The following PLEKHG2 variants were observed in gnomAD, a reference collection of about 807,000 sequenced individuals.
PLEKHG2 encodes pleckstrin homology and RhoGEF domain containing G2, also known as pleckstrin homology domain-containing family G member 2.
PLEKHG2 carries 71 observed loss-of-function variants against 104.4 expected under a neutral mutation model. The ratio of observed to expected loss-of-function variants is 0.68; its 90% confidence interval spans 0.56 to 0.83. PLEKHG2 has a LOEUF of 0.83. Ranked by LOEUF, PLEKHG2 falls within the 40% of genes least tolerant of loss-of-function variation. PLEKHG2 has a pLI of 0.00. For synonymous variants in PLEKHG2, 728 were observed against 737.0 expected, an observed-to-expected ratio of 0.99 and a Z score of 0.20; for missense variants, 1,730 against 1,809.4, an observed-to-expected ratio of 0.96 and a Z score of 0.80.
chr19:39,419,073 C>A, intron 11 of PLEKHG2, 70 bp downstream of exon 11: 1 of 1,370,090 alleles, frequency 7.3e-7, no homozygotes, highest in Non-Finnish European at 9.9e-7. Flanking sequence ...TACTAAGAGA[C>A]GCCCCTGCCC....
chr19:39,416,698 C>A lies in PLEKHG2; in HGVS notation c.593+101C>A, dbSNP rs1002592902. ...CTACCCCCGACCCATCCAGCACCGA[C>A]CCCTGCCAGGCTGTGACAGTAACTG... On this transcript the variant is annotated intron_variant, in intron 6 of 18. Transcript: ENST00000425673. This position sits in a 1 kb window ranked among gnomAD's most constrained non-coding sequence, Gnocchi z 4.5. The A allele has an allele frequency of 1.1e-5, 17 of 1,510,302 alleles. No homozygotes were observed. Among genetic ancestry groups the A allele is most frequent in the Non-Finnish European group, 1.8e-6 (2 of 1,096,016 alleles). The allele number at this position is 1,510,302 out of a possible 1,614,324, so 93.6% of individuals were successfully genotyped here. A position where few individuals can be genotyped will look rare whatever the true frequency, so the allele number is the denominator to read the frequency against.
rs2078746625 is a variant in PLEKHG2, at chr19:39,424,155, C to T, written c.3022C>T (p.Gln1008Ter). 1 of 1,614,060 alleles carries T rather than the reference C, an allele frequency of 6.2e-7. No homozygotes were observed. Among genetic ancestry groups the T allele is most frequent in the African/African-American group, 1.3e-5 (1 of 74,914 alleles). ...PAPSTAFCPEQGHCADIHVPT... is the reference protein window; with the variant it reads ...PAPSTAFCPE Reference sequence around the variant, plus strand: ...TCCATCCACCGCCTTTTGTCCTGAGCAGGGACACTGTGCGGACATCCACGT... The same window carrying T: ...TCCATCCACCGCCTTTTGTCCTGAGTAGGGACACTGTGCGGACATCCACGT... The change falls in exon 19 of 19, where the codon CAG (glutamine) becomes TAG (stop). Residue 1008 changes from glutamine (Q) to a stop codon, truncating the protein, a stop_gained. Transcript: ENST00000425673. LOFTEE classifies it low-confidence loss of function (END_TRUNC).
At position 39,417,034 on chromosome 19, in the gene PLEKHG2, G is replaced by A. The variant is rs192625863; in HGVS notation, c.744+34G>A. ...GGGCCCCTGGAGCCAGGCTGGGGAGGGGGAGGTCCTGTCCCTTGACCACCT... is the reference window on the plus strand; with the variant it reads ...GGGCCCCTGGAGCCAGGCTGGGGAGAGGGAGGTCCTGTCCCTTGACCACCT... On this transcript the variant is annotated intron_variant, in intron 7 of 18. Transcript: ENST00000425673. The A allele has an allele frequency of 8.8e-5, 139 of 1,571,984 alleles. No homozygotes were observed. The African/African-American group carries it at 1.8e-3, about 20-fold the overall frequency.
Position 39,425,979 on chromosome 19 carries a change from A to G in PLEKHG2, c.*685A>G, listed in dbSNP as rs1345909990. Reference sequence around the variant, plus strand: ...TGGCATTCCATCCCTCCATTTATCCATCTTCCCACTTACCCATCTTCTCCA... The same window carrying G: ...TGGCATTCCATCCCTCCATTTATCCGTCTTCCCACTTACCCATCTTCTCCA... On this transcript the variant is annotated 3_prime_UTR_variant, in exon 19 of 19. Transcript: ENST00000425673. 1 of 151,836 alleles carries G rather than the reference A, an allele frequency of 6.6e-6. No individual in the cohort carries two copies. The highest frequency in any genetic ancestry group is 2.4e-5 in the African/African-American group (1 of 41,186). 9.4% of individuals were successfully genotyped at this position (151,836 alleles called of 1,614,324 possible). A position where few individuals can be genotyped will look rare whatever the true frequency, so the allele number is the denominator to read the frequency against.
At position 39,420,805 on chromosome 19, in the gene PLEKHG2, C is replaced by T. The variant is rs1291944035; in HGVS notation, c.1352C>T (p.Pro451Leu). 1.2e-5 allele frequency: 19 copies of T among 1,614,036 alleles called. No homozygotes were observed. The highest frequency in any genetic ancestry group is 1.5e-5 in the Non-Finnish European group (18 of 1,180,034). Reference protein sequence around the residue: ...LEPLTPPLGSPRPRDARSFTP... With the variant: ...LEPLTPPLGSLRPRDARSFTP... ...CCCCTGACACCCCCACTTGGGTCTC[C>T]TCGACCTCGAGATGCTAGAAGTTTT... The change falls in exon 13 of 19, where the codon CCT (proline) becomes CTT (leucine). Residue 451 changes from proline to leucine, a missense_variant. Pro to Leu is a moderately conservative substitution (Grantham distance 98). Transcript: ENST00000425673.
At chr19:39,417,498 T>C (rs954342214) in intron 7 of PLEKHG2, 57 bp from the exon 8 acceptor site, 11 of 1,588,602 alleles carry the variant, frequency 6.9e-6, no homozygotes, top group African/African-American at 6.8e-5. Context: ...ATTCTCATTC[T>C]CTTTCTCCTT....
Position 39,414,031 on chromosome 19 carries a change from G to C in PLEKHG2, c.-22-34G>C, listed in dbSNP as rs186238721. 6.4e-4 allele frequency: 928 copies of C among 1,456,550 alleles called. 3 individuals carry two copies. In the African/African-American group the frequency reaches 8.5e-3, roughly 13 times the overall value. The allele number at this position is 1,456,550 out of a possible 1,614,324, so 90.2% of individuals were successfully genotyped here. A position where few individuals can be genotyped will look rare whatever the true frequency, so the allele number is the denominator to read the frequency against. ...GTCTGGGCGGCGGAGAGGCCCATGGGGTCCTGATATCCAAGAAGGGGCTCT... is the reference window on the plus strand; with the variant it reads ...GTCTGGGCGGCGGAGAGGCCCATGGCGTCCTGATATCCAAGAAGGGGCTCT... On this transcript the variant is annotated intron_variant, in intron 1 of 18. Coordinates refer to ENST00000425673, the MANE Select transcript of PLEKHG2 (RefSeq NM_022835.3).
In PLEKHG2 at chr19:39,423,759, C is replaced by T. The variant is rs1403955280; in HGVS notation, c.2626C>T (p.Leu876=). ...GCTCCTGCCTGCCTTTGGACACGTG[C>T]TGGTATGTGAGCTGGCCTTCCCACT... ...PGLLPAFGHV[L]VCELAFPLTC... is the part of the protein sequence containing the mutation. The change falls in exon 19 of 19, where the codon CTG becomes TTG. Residue 876 remains leucine (L), a synonymous_variant. Transcript: ENST00000425673. The T allele has an allele frequency of 6.2e-7, 1 of 1,613,102 alleles. No individual in the cohort carries two copies. Among genetic ancestry groups the T allele is most frequent in the South Asian group, 1.1e-5 (1 of 91,004 alleles).
chr19:39,415,136 T>C lies in PLEKHG2; in HGVS notation c.254T>C (p.Ile85Thr). 1 of 1,599,898 alleles carries C rather than the reference T, an allele frequency of 6.3e-7. No individual in the cohort carries two copies. The highest frequency in any genetic ancestry group is 8.5e-7 in the Non-Finnish European group (1 of 1,173,008). The change falls in exon 3 of 19, where the codon ATC becomes ACC. Residue 85 changes from isoleucine (I) to threonine (T), a missense_variant. Transcript: ENST00000425673. The surrounding 1 kb of genome is among the most constrained non-coding windows in gnomAD (Gnocchi z 4.6). ...CCAGAGCCCCTTCCAGGGCCTCCCA[T>C]CCGCCTACATCTCTCTCCGGTGGGG... ...SRPEPLPGPP[I>T]RLHLSPVGIP...
chr19:39,420,576 G>T lies in PLEKHG2; in HGVS notation c.1264-50G>T, dbSNP rs1600657945. Reference sequence around the variant, plus strand: ...CTACGGTGCTTAAAGTATCCTCTCTGTGGTACTCCAAGATCGACCCACCTC... The same window carrying T: ...CTACGGTGCTTAAAGTATCCTCTCTTTGGTACTCCAAGATCGACCCACCTC... On this transcript the variant is annotated intron_variant, in intron 11 of 18. Coordinates refer to ENST00000425673, the MANE Select transcript of PLEKHG2 (RefSeq NM_022835.3). 1.9e-6 allele frequency: 3 copies of T among 1,612,774 alleles called. No homozygotes were observed. The East Asian group carries it at 6.7e-5, about 36-fold the overall frequency.
Position 39,424,783 on chromosome 19 carries a change from G to T in PLEKHG2, c.3650G>T (p.Arg1217Ile), listed in dbSNP as rs370533120. The change falls in exon 19 of 19, where the codon AGA becomes ATA. Residue 1217 changes from arginine (R) to isoleucine (I), a missense_variant. Physicochemically the swap from Arg to Ile is moderately conservative, Grantham distance 97. Transcript: ENST00000425673. Reference protein sequence around the residue: ...HVPAATPLPERGGSLDIQGLS... With the variant: ...HVPAATPLPEIGGSLDIQGLS... ...CCAGCTGCCACACCTTTACCTGAGA[G>T]AGGAGGCTCTCTAGACATTCAGGGC... 5 of 1,614,084 alleles carry T rather than the reference G, an allele frequency of 3.1e-6. No individual in the cohort carries two copies. The Admixed American group carries it at 8.3e-5, about 27-fold the overall frequency.
In PLEKHG2 at chr19:39,424,053, G is replaced by C. The variant is rs1193237988; in HGVS notation, c.2920G>C (p.Asp974His). 7.4e-6 allele frequency: 12 copies of C among 1,613,904 alleles called. No individual in the cohort carries two copies. Among genetic ancestry groups the C allele is most frequent in the Non-Finnish European group, 9.3e-6 (11 of 1,179,968 alleles). Residue 974 changes from aspartate to histidine, a missense_variant, in exon 19 of 19, where the codon GAT (aspartate) becomes CAT (histidine). Coordinates refer to ENST00000425673, the MANE Select transcript of PLEKHG2 (RefSeq NM_022835.3). ...GGTGCCGGCTCTTACAACTTTCTCT[G>C]ATCAAGGCCACCCAGAAATCCAAGT... ...LQVPALTTFS[D>H]QGHPEIQVPA...
intron 17 of PLEKHG2, among the ~76,000 whole-genome samples, chr19:39,422,491 C>T (rs914219212): frequency 6.6e-6 from 1 of 152,098 alleles, no homozygotes; most frequent in Non-Finnish European, 1.5e-5. Flanking sequence ...GATTCTCCTG[C>T]CTCAGCCTCC....
In PLEKHG2 at chr19:39,412,745, G is replaced by A. The variant is rs991900767; in HGVS notation, c.-690G>A. ...CCGAGGGGTCCAGAGGCTCGGACCC[G>A]GGCGTCCGGAATTTCTGCACCGCAT... is the stretch of plus-strand genomic sequence containing the variant. On this transcript the variant is annotated 5_prime_UTR_variant, in exon 1 of 19. Transcript: ENST00000425673. 1 of 152,214 alleles carries A rather than the reference G, an allele frequency of 6.6e-6. No homozygotes were observed. Among genetic ancestry groups the A allele is most frequent in the Non-Finnish European group, 1.5e-5 (1 of 68,038 alleles). The allele number at this position is 152,214 out of a possible 1,614,324, so 9.4% of individuals were successfully genotyped here. A position where few individuals can be genotyped will look rare whatever the true frequency, so the allele number is the denominator to read the frequency against.
In PLEKHG2 at chr19:39,423,157, A is replaced by G. The variant is rs1439145145; in HGVS notation, c.2103A>G (p.Glu701=). ...CCTGGCTCCAAGGGCCTCTGCAGGAACCAGCTGAGGCTCCAGCCACCAGGA... is the reference window on the plus strand; with the variant it reads ...CCTGGCTCCAAGGGCCTCTGCAGGAGCCAGCTGAGGCTCCAGCCACCAGGA... ...CDSWLQGPLQ[E]PAEAPATRRE... Residue 701 remains glutamate (E), a synonymous_variant, in exon 18 of 19, where the codon GAA becomes GAG. Transcript: ENST00000425673. 3 of 1,613,424 alleles carry G rather than the reference A, an allele frequency of 1.9e-6. No individual in the cohort carries two copies. The highest frequency in any genetic ancestry group is 3.3e-5 in the Admixed American group (2 of 59,976).
Position 39,416,344 on chromosome 19 carries a change from G to A in PLEKHG2, c.480-4G>A. The stretch of plus-strand genomic sequence containing the variant: ...GGTTCCTCACCCTCCCCTCTCCCCT[G>A]TAGCGAGCTCCTGGAGGACTTGGAG... On this transcript the variant is annotated splice_polypyrimidine_tract_variant and splice_region_variant and intron_variant, in intron 4 of 18. Coordinates refer to ENST00000425673, the MANE Select transcript of PLEKHG2 (RefSeq NM_022835.3). The surrounding 1 kb of genome is among the most constrained non-coding windows in gnomAD (Gnocchi z 4.5). 1.2e-6 allele frequency: 2 copies of A among 1,612,734 alleles called. No homozygotes were observed. The highest frequency in any genetic ancestry group is 1.7e-6 in the Non-Finnish European group (2 of 1,179,738).
chr19:39,422,143 C>T lies in PLEKHG2; in HGVS notation c.1532C>T (p.Pro511Leu). The T allele has an allele frequency of 1.2e-6, 2 of 1,612,210 alleles. No homozygotes were observed. The highest frequency in any genetic ancestry group is 1.3e-5 in the African/African-American group (1 of 74,920). The change falls in exon 17 of 19, where the codon CCT (proline) becomes CTT (leucine). Residue 511 changes from proline to leucine, a missense_variant. By Grantham distance (98) the Pro-to-Leu change is moderately conservative (BLOSUM62 -3). Coordinates refer to ENST00000425673, the MANE Select transcript of PLEKHG2 (RefSeq NM_022835.3). ...KHAGSEGELY[P>L]PESQPPVSGS... Reference sequence around the variant, plus strand: ...GCTGGCAGCGAAGGGGAACTCTACCCTCCAGAATCTCAGCCACCAGTTTCA... The same window carrying T: ...GCTGGCAGCGAAGGGGAACTCTACCTTCCAGAATCTCAGCCACCAGTTTCA...
chr19:39,421,435 C>T, intron 16 of PLEKHG2, 136 bp downstream of exon 16: 1 of 1,050,832 alleles, frequency 9.5e-7, no homozygotes. Context: ...CCTGTAATCT[C>T]AGTATTTTGG....
Position 39,420,857 on chromosome 19 carries a change from A to C in PLEKHG2, c.1399+5A>C, listed in dbSNP as rs1250746163. Reference sequence around the variant, plus strand: ...CCCCTGGGCGAAGGAACACAGGTAAAGGCGGTGGATCCCTGAGTCCCAGCC... The same window carrying C: ...CCCCTGGGCGAAGGAACACAGGTAACGGCGGTGGATCCCTGAGTCCCAGCC... On this transcript the variant is annotated splice_donor_5th_base_variant and intron_variant, in intron 13 of 18. Transcript: ENST00000425673. 6.2e-7 allele frequency: 1 copy of C among 1,614,162 alleles called. No individual in the cohort carries two copies.
Sources: gnomAD v4.1 joint callset for allele counts (sites outside exome capture counted in the v4.1 genomes callset) on GRCh38, gnomAD v4.1.1 for gene constraint, Gnocchi (gnomAD v3.1) non-coding constraint, MANE v1.5 for transcripts, NCBI Gene and HGNC (gene_info 2026-07-23, HGNC 2026-07-21) for gene names.